PTH2R: variants seen among roughly 807,000 people sequenced by gnomAD.
The protein encoded by PTH2R is parathyroid hormone 2 receptor, also known as PTH2 receptor.
A neutral mutation model predicts 60.3 loss-of-function variants in PTH2R; 59 were observed. The observed-to-expected ratio is 0.98, with a 90% CI of 0.79 to 1.22. PTH2R has a LOEUF of 1.22. PTH2R is among the 50% of genes most tolerant of loss of function. The pLI is 0.00. For synonymous variants in PTH2R, 256 were observed against 243.8 expected (o/e 1.05, Z -0.47); for missense variants, 749 against 682.6 (o/e 1.10, Z -1.08).
At chr2:208,445,982 A>C (rs571587653) in intron 7 of PTH2R, among the ~76,000 whole-genome samples, 32 of 152,260 alleles carry the variant, frequency 2.1e-4, no homozygotes, top group Middle Eastern at 3.4e-3. Flanking sequence ...TCCTTTGGAA[A>C]TTTTCTTGAC....
At chr2:208,460,052 C>A in intron 9 of PTH2R, 91 bp downstream of exon 9, 1 of 1,084,654 alleles carries the variant, frequency 9.2e-7, no homozygotes, top group Non-Finnish European at 1.4e-6. Context: ...CTGCATTCTA[C>A]AACAGATCTG....
chr2:208,394,735 A>G (rs896705216), intron 1 of PTH2R, among the ~76,000 whole-genome samples: 1 of 152,198 alleles, frequency 6.6e-6, no homozygotes. Flanking sequence ...TCCTGTTATT[A>G]TGGCCCATGC....
chr2:208,426,691 T>C (rs1335770402), intron 1 of PTH2R, among the ~76,000 whole-genome samples: 1 of 152,188 alleles, frequency 6.6e-6, no homozygotes, highest in Admixed American at 6.5e-5. Flanking sequence ...TTTCATCTGC[T>C]TGCACTCGCT....
chr2:208,469,455 A>G (rs1027406866), intron 9 of PTH2R, among the ~76,000 whole-genome samples: 1 of 152,208 alleles, frequency 6.6e-6, no homozygotes, highest in Non-Finnish European at 1.5e-5. Context: ...TTTCTAAGCA[A>G]TATATGAGGT....
intron 9 of PTH2R, among the ~76,000 whole-genome samples, chr2:208,469,560 G>A (rs1702834375): frequency 6.6e-6 from 1 of 152,204 alleles, no homozygotes; most frequent in Non-Finnish European, 1.5e-5. Flanking sequence ...ACCATAGACT[G>A]CAGTATAAGT....
At chr2:208,464,374 A>C (rs1295916168) in intron 9 of PTH2R, among the ~76,000 whole-genome samples, 1 of 152,232 alleles carries the variant, frequency 6.6e-6, no homozygotes, top group Non-Finnish European at 1.5e-5. Flanking sequence ...CCAGGCAGAC[A>C]GTAAGTTAGC....
In PTH2R at chr2:208,461,358, G is replaced by A. The variant is rs1424160997; in HGVS notation, c.981+1397G>A. ...GTGAACTTAAAGATAAAAATTAACT[G>A]CTCAGATTTCCCTTTCACTCATTGG... On this transcript the variant is annotated intron_variant, in intron 9 of 12. Coordinates refer to ENST00000272847, the MANE Select transcript of PTH2R (RefSeq NM_005048.4). Among the ~76,000 whole-genome samples, 3 of 152,004 alleles carry A rather than the reference G, an allele frequency of 2.0e-5. No individual in the cohort carries two copies. The East Asian group carries it at 5.8e-4, about 29-fold the overall frequency.
intron 9 of PTH2R, among the ~76,000 whole-genome samples, chr2:208,477,512 G>T (rs940479172): frequency 6.6e-5 from 10 of 151,918 alleles, no homozygotes; most frequent in Non-Finnish European, 1.5e-4. Context: ...AGTGTACACT[G>T]CTCAGGTGAT....
At chr2:208,466,351 A>G (rs1702751674) in intron 9 of PTH2R, 1 of 152,474 alleles carries the variant, frequency 6.6e-6, no homozygotes, top group African/African-American at 2.4e-5. Context: ...GATAGACGTC[A>G]CTTTTCTCCT....
At chr2:208,420,767 A>G (rs915626985) in intron 1 of PTH2R, among the ~76,000 whole-genome samples, 2 of 152,194 alleles carry the variant, frequency 1.3e-5, no homozygotes, top group Non-Finnish European at 2.9e-5. Context: ...CATTGATATA[A>G]TCCCTCTGTC....
At chr2:208,377,413 G>A (rs1271721145) in intron 1 of PTH2R, among the ~76,000 whole-genome samples, 7 of 151,980 alleles carry the variant, frequency 4.6e-5, no homozygotes, top group South Asian at 2.1e-4. Flanking sequence ...GGTGGTGGCC[G>A]GGCAGAGGGG....
intron 9 of PTH2R, among the ~76,000 whole-genome samples, chr2:208,467,569 A>G (rs980437208): frequency 2.0e-5 from 3 of 152,206 alleles, no homozygotes; most frequent in Non-Finnish European, 4.4e-5. Context: ...TATGCTACAC[A>G]TGATTCATCC....
At chr2:208,430,840 C>A (rs1701956991) in intron 2 of PTH2R, among the ~76,000 whole-genome samples, 1 of 152,168 alleles carries the variant, frequency 6.6e-6, no homozygotes, top group African/African-American at 2.4e-5. Flanking sequence ...GCTGGGATTG[C>A]AGGTGTGAGC....
chr2:208,430,555 T>C (rs893503867), intron 2 of PTH2R, among the ~76,000 whole-genome samples: 3 of 148,460 alleles, frequency 2.0e-5, no homozygotes, highest in African/African-American at 5.0e-5. Flanking sequence ...TCTTTTTTTT[T>C]TTTTTTTTTG....
At chr2:208,406,510 G>A (rs1012055404), upstream of PTH2R, among the ~76,000 whole-genome samples, 2 of 152,156 alleles carry the variant, frequency 1.3e-5, no homozygotes, top group African/African-American at 2.4e-5. Flanking sequence ...GTCAGCGCAC[G>A]CAGGACAGGA....
At chr2:208,478,045 C>T (rs1413597174) in intron 9 of PTH2R, among the ~76,000 whole-genome samples, 1 of 151,202 alleles carries the variant, frequency 6.6e-6, no homozygotes, top group Non-Finnish European at 1.5e-5. Context: ...TTGTCTTATT[C>T]TCTTTTATTT....
At chr2:208,420,528 T>C (rs1701733696) in intron 1 of PTH2R, among the ~76,000 whole-genome samples, 1 of 151,246 alleles carries the variant, frequency 6.6e-6, no homozygotes, top group Non-Finnish European at 1.5e-5. Flanking sequence ...TTGCACTTAA[T>C]TTATAATTAA....
intron 10 of PTH2R, among the ~76,000 whole-genome samples, chr2:208,483,962 A>T (rs1703217027): frequency 6.6e-6 from 1 of 152,222 alleles, no homozygotes; most frequent in African/African-American, 2.4e-5. Context: ...GCTTAGGAAA[A>T]TTAAATCTGT....
intron 2 of PTH2R, among the ~76,000 whole-genome samples, chr2:208,430,803 G>A (rs768358043): frequency 6.6e-5 from 10 of 152,028 alleles, no homozygotes; most frequent in Non-Finnish European, 1.3e-4. Flanking sequence ...CCGACCTCGT[G>A]ATCTGCCTGC....
Sources: allele counts gnomAD v4.1 joint callset (sites outside exome capture counted in the v4.1 genomes callset), GRCh38; gene constraint gnomAD v4.1.1; transcripts MANE v1.5; gene names NCBI Gene and HGNC (gene_info 2026-07-23, HGNC 2026-07-21).